SPEF2: variants seen among roughly 807,000 people sequenced by gnomAD.
SPEF2 encodes sperm flagellar and cilia associated 2, also known as sperm flagella and cilia-associated protein 2.
Under a neutral mutation model 224.6 loss-of-function variants are expected in SPEF2, and 187 were observed. The observed-to-expected ratio is 0.83, with a 90% CI of 0.74 to 0.94. SPEF2 has a LOEUF of 0.94. Ranked by LOEUF, SPEF2 falls within the 40% of genes least tolerant of loss-of-function variation. The probability of loss-of-function intolerance (pLI) is 0.00; values close to 1 mark genes in which losing one functional copy is unlikely to be tolerated. For missense variants in SPEF2, 2,170 were observed against 2,135.6 expected (o/e 1.02, Z -0.32); for synonymous variants, 715 against 707.3 (o/e 1.01, Z -0.17).
In SPEF2 at chr5:35,667,227, T is replaced by G. The variant is rs758630501; in HGVS notation, c.1323T>G (p.Thr441=). ...EILDQIVDLS[T]KVADYRMLTN... ...TGGATCAAATAGTTGATTTGTCCACTAAAGTGGCAGACTATCGAATGTTGA... is the reference window on the plus strand; with the variant it reads ...TGGATCAAATAGTTGATTTGTCCACGAAAGTGGCAGACTATCGAATGTTGA... The change falls in exon 9 of 37, where the codon ACT becomes ACG. Residue 441 remains threonine (T), a synonymous_variant. Coordinates refer to ENST00000356031, the MANE Select transcript of SPEF2 (RefSeq NM_024867.4). 13 of 1,605,002 alleles carry G rather than the reference T, an allele frequency of 8.1e-6. No homozygotes were observed. The African/African-American group carries it at 1.7e-4, about 21-fold the overall frequency.
chr5:35,779,185 A>G lies in SPEF2; in HGVS notation c.4286A>G (p.Tyr1429Cys). The change falls in exon 30 of 37, where the codon TAT becomes TGT. Residue 1429 changes from tyrosine (Y) to cysteine (C), a missense_variant. Coordinates refer to ENST00000356031, the MANE Select transcript of SPEF2 (RefSeq NM_024867.4). ...TCTACAAAAATTCAGAATGAACTTTATTTAAGCCAAGAAGACTTCTTCATT... is the reference window on the plus strand; with the variant it reads ...TCTACAAAAATTCAGAATGAACTTTGTTTAAGCCAAGAAGACTTCTTCATT... Reference protein sequence around the residue: ...ETSTKIQNELYLSQEDFFING... With the variant: ...ETSTKIQNELCLSQEDFFING... The G allele has an allele frequency of 2.5e-6, 4 of 1,613,930 alleles. No individual in the cohort carries two copies. Among genetic ancestry groups the G allele is most frequent in the Non-Finnish European group, 3.4e-6 (4 of 1,179,896 alleles).
intron 5 of SPEF2, among the ~76,000 whole-genome samples, chr5:35,647,625 A>G (rs1747576081): frequency 6.6e-6 from 1 of 152,120 alleles, no homozygotes; most frequent in Admixed American, 6.6e-5. Flanking sequence ...CAAATTTCAC[A>G]TGCGGTTTTC....
chr5:35,802,847 T>A (rs1193737337), intron 34 of SPEF2, among the ~76,000 whole-genome samples: 1 of 152,098 alleles, frequency 6.6e-6, no homozygotes, highest in African/African-American at 2.4e-5. Context: ...TAGCTTTAAC[T>A]CTATGCAGGA....
intron 21 of SPEF2, among the ~76,000 whole-genome samples, chr5:35,735,931 G>A (rs1041697812): frequency 2.0e-5 from 3 of 152,286 alleles, no homozygotes; most frequent in Non-Finnish European, 1.5e-5. Flanking sequence ...TGTCACCTGT[G>A]ATGATTCAAT....
intron 8 of SPEF2, 32 bp from the exon 9 acceptor site, chr5:35,667,040 A>T (rs1267448995): frequency 1.9e-6 from 3 of 1,560,604 alleles, no homozygotes; most frequent in African/African-American, 2.8e-5. Flanking sequence ...ATTCAATTAT[A>T]GTGACTTAAA....
At chr5:35,745,591 C>T (rs1748390555) in intron 23 of SPEF2, among the ~76,000 whole-genome samples, 1 of 152,112 alleles carries the variant, frequency 6.6e-6, no homozygotes, top group Non-Finnish European at 1.5e-5. Flanking sequence ...TCAGCAGAGG[C>T]AGCCACAATC....
intron 9 of SPEF2, among the ~76,000 whole-genome samples, chr5:35,669,370 C>T (rs1162490449): frequency 6.6e-6 from 1 of 152,100 alleles, no homozygotes; most frequent in African/African-American, 2.4e-5. Context: ...GTCTCCTAAG[C>T]ATTCCTCAGG....
In SPEF2 at chr5:35,793,238, C is replaced by T; in HGVS notation, c.4634C>T (p.Pro1545Leu). ...AAGTTCCTGTTAGTAACCTCAATGC[C>T]TTGGCCCATTCCCTTGGAGGAGGAG... is the stretch of plus-strand genomic sequence containing the variant. ...WRKFLLVTSM[P>L]WPIPLEEELL... The change falls in exon 32 of 37, where the codon CCT becomes CTT. Residue 1545 changes from proline to leucine, a missense_variant. Pro to Leu is a moderately conservative substitution (Grantham distance 98, BLOSUM62 -3). Transcript: ENST00000356031. 2 of 1,614,154 alleles carry T rather than the reference C, an allele frequency of 1.2e-6. No homozygotes were observed. Among genetic ancestry groups the T allele is most frequent in the Non-Finnish European group, 1.7e-6 (2 of 1,180,018 alleles).
In SPEF2 at chr5:35,659,008, G is replaced by C; in HGVS notation, c.979-11G>C. ...CGTCACTTTAACAAATAATTCCCCT[G>C]GTGTTTTCAGGAGGCTTATCGGGAG... On this transcript the variant is annotated splice_polypyrimidine_tract_variant and intron_variant, in intron 7 of 36. Transcript: ENST00000356031. 1 of 1,523,334 alleles carries C rather than the reference G, an allele frequency of 6.6e-7. No homozygotes were observed. Among genetic ancestry groups the C allele is most frequent in the Non-Finnish European group, 8.8e-7 (1 of 1,130,580 alleles). The allele number at this position is 1,523,334 out of a possible 1,614,324, so 94.4% of individuals were successfully genotyped here.
chr5:35,668,344 A>C (rs753007940), intron 9 of SPEF2, among the ~76,000 whole-genome samples: 1 of 152,196 alleles, frequency 6.6e-6, no homozygotes, highest in Non-Finnish European at 1.5e-5. Flanking sequence ...CTATTAATAC[A>C]TGCCACAATC....
chr5:35,666,154 G>A (rs542732918), intron 8 of SPEF2, among the ~76,000 whole-genome samples: 5 of 152,154 alleles, frequency 3.3e-5, no homozygotes, highest in African/African-American at 7.2e-5. Flanking sequence ...GCTTGAACTC[G>A]ACCATAGCTC....
At chr5:35,738,204 G>C (rs973202678) in intron 21 of SPEF2, among the ~76,000 whole-genome samples, 4 of 152,040 alleles carry the variant, frequency 2.6e-5, no homozygotes, top group Non-Finnish European at 5.9e-5. Flanking sequence ...CTCTGCCGAA[G>C]CTCTTTAGTT....
At chr5:35,725,646 A>G (rs1030033846) in intron 20 of SPEF2, among the ~76,000 whole-genome samples, 8 of 152,104 alleles carry the variant, frequency 5.3e-5, no homozygotes, top group Admixed American at 4.6e-4. Flanking sequence ...CTTGACTTTT[A>G]ATTACTCAGA....
chr5:35,723,040 C>T (rs910222623), intron 20 of SPEF2, among the ~76,000 whole-genome samples: 3 of 151,916 alleles, frequency 2.0e-5, no homozygotes, highest in African/African-American at 7.3e-5. Flanking sequence ...AAGAGGGAAA[C>T]AGGAACTCTT....
chr5:35,662,765 C>G (rs528356559), intron 8 of SPEF2, among the ~76,000 whole-genome samples: 1 of 152,200 alleles, frequency 6.6e-6, no homozygotes, highest in East Asian at 1.9e-4. Flanking sequence ...TCTGGGTTCT[C>G]TATTCTGGTC....
chr5:35,690,921 G>A, intron 10 of SPEF2, 116 bp from the exon 11 acceptor site: 1 of 672,760 alleles, frequency 1.5e-6, no homozygotes, highest in Non-Finnish European at 2.4e-6. Context: ...TATAATTAAA[G>A]TATTCATTGG....
At chr5:35,801,468 G>A (rs186384275) in intron 34 of SPEF2, among the ~76,000 whole-genome samples, 19 of 151,660 alleles carry the variant, frequency 1.3e-4, no homozygotes, top group Non-Finnish European at 2.1e-4. Context: ...AGCCAAGATC[G>A]CACCACTGCT....
chr5:35,718,899 A>C (rs1743111586), intron 20 of SPEF2, among the ~76,000 whole-genome samples: 1 of 152,172 alleles, frequency 6.6e-6, no homozygotes, highest in Non-Finnish European at 1.5e-5. Flanking sequence ...AATGTGTCTC[A>C]GGGAGTTACA....
At chr5:35,693,291 G>A (rs1399567051) in intron 12 of SPEF2, among the ~76,000 whole-genome samples, 2 of 152,276 alleles carry the variant, frequency 1.3e-5, no homozygotes, top group East Asian at 3.9e-4. Context: ...CAGAGGTAGA[G>A]GAGGACTCCT....
Sources: gnomAD v4.1 joint callset for allele counts (sites outside exome capture counted in the v4.1 genomes callset) on GRCh38, gnomAD v4.1.1 for gene constraint, MANE v1.5 for transcripts, NCBI Gene and HGNC (gene_info 2026-07-23, HGNC 2026-07-21) for gene names.